TULP4: variants seen among roughly 807,000 people sequenced by gnomAD.
TULP4 encodes TUB like protein 4, also known as tubby-related protein 4.
Under a neutral mutation model 129.0 loss-of-function variants are expected in TULP4, and 16 were observed. The observed-to-expected ratio is 0.12, with a 90% CI of 0.08 to 0.19. TULP4 has a LOEUF of 0.19. Ranked by LOEUF, TULP4 falls within the 10% of genes least tolerant of loss-of-function variation. The pLI, the probability that TULP4 is intolerant of heterozygous loss-of-function variation, is 1.00. For synonymous variants in TULP4, 998 were observed against 854.0 expected (o/e 1.17, Z -2.94); for missense variants, 1,842 against 2,059.1 (o/e 0.89, Z 2.04).
intron 1 of TULP4, among the ~76,000 whole-genome samples, chr6:158,251,091 T>C (rs1431361400): frequency 1.3e-5 from 2 of 152,184 alleles, no homozygotes; most frequent in African/African-American, 4.8e-5. Context: ...ACAAATTAGA[T>C]CACAAAAGAG....
rs766591076 is a variant in TULP4, at chr6:158,501,861, C to T, written c.2198C>T (p.Thr733Ile). ...VLTNQTTAVGTAEHAGDSATQ... is the reference protein window; with the variant it reads ...VLTNQTTAVGIAEHAGDSATQ... ...ACCAACCAGACGACAGCTGTAGGGA[C>T]AGCAGAACATGCAGGTGACAGTGCC... The change falls in exon 13 of 14, where the codon ACA becomes ATA. Residue 733 changes from threonine to isoleucine, a missense_variant. Physicochemically the swap from Thr to Ile is moderately conservative, Grantham distance 89. This residue lies in a region of TULP4 where 1,089 missense variants were observed against 987.1 expected (regional missense o/e 1.10). Transcript: ENST00000367097. 5 of 1,614,174 alleles carry T rather than the reference C, an allele frequency of 3.1e-6. No individual in the cohort carries two copies. In the South Asian group the frequency reaches 4.4e-5, roughly 14 times the overall value.
intron 1 of TULP4, among the ~76,000 whole-genome samples, chr6:158,248,404 G>A (rs889452453): frequency 1.3e-5 from 2 of 151,874 alleles, no homozygotes; most frequent in Non-Finnish European, 2.9e-5. Context: ...CAAGTAGCTG[G>A]GACTATAGGC....
chr6:158,360,650 A>T (rs827999), intron 1 of TULP4, among the ~76,000 whole-genome samples: 140,818 of 152,232 alleles, frequency 0.93, 65,190 homozygotes, highest in Admixed American at 0.95. Flanking sequence ...TTGGCAGGTA[A>T]TTGTTGCTGA....
chr6:158,249,142 A>T (rs1247812776), intron 1 of TULP4, among the ~76,000 whole-genome samples: 1 of 151,804 alleles, frequency 6.6e-6, no homozygotes, highest in Non-Finnish European at 1.5e-5. Flanking sequence ...AGCCCATAAG[A>T]TGAATGCGGT....
chr6:158,487,746 G>A (rs1780105484), intron 8 of TULP4, among the ~76,000 whole-genome samples: 2 of 152,268 alleles, frequency 1.3e-5, no homozygotes, highest in South Asian at 4.1e-4. Context: ...GGCAGGCAGT[G>A]CCTGCACGTG....
intron 6 of TULP4, among the ~76,000 whole-genome samples, chr6:158,469,527 G>A (rs535863010): frequency 3.9e-5 from 6 of 151,934 alleles, no homozygotes; most frequent in South Asian, 2.1e-4. Flanking sequence ...TGTCTGCCTC[G>A]GCCTTCCAAA....
intron 1 of TULP4, among the ~76,000 whole-genome samples, chr6:158,359,297 A>G (rs1780713745): frequency 6.6e-6 from 1 of 152,224 alleles, no homozygotes; most frequent in African/African-American, 2.4e-5. Context: ...TCCTGGTTAT[A>G]TTCTCAAAGG....
intron 3 of TULP4, among the ~76,000 whole-genome samples, 160 bp downstream of exon 3, chr6:158,430,057 A>C (rs1778593726): frequency 6.6e-6 from 1 of 152,230 alleles, no homozygotes; most frequent in Non-Finnish European, 1.5e-5. Flanking sequence ...TAAAAATTCT[A>C]AATGAACCAT....
At chr6:158,440,130 A>G (rs1047201241) in intron 3 of TULP4, among the ~76,000 whole-genome samples, 25 of 151,928 alleles carry the variant, frequency 1.6e-4, no homozygotes, top group African/African-American at 6.0e-4. Context: ...GTTCAAGACC[A>G]GCAACATGAC....
rs576478134 is a variant in TULP4, at chr6:158,329,443, T to C, written c.252+15175T>C. On this transcript the variant is annotated intron_variant, in intron 1 of 13. Transcript: ENST00000367097. ...AAATTTTTAGAGTTTAAGGAAGAGT[T>C]CATTAATCAGAACCTTAACATTAAA... 6.8e-4 allele frequency among the ~76,000 whole-genome samples: 99 copies of C among 145,674 alleles called. 1 individual carries two copies. Among genetic ancestry groups the C allele is most frequent in the African/African-American group, 2.2e-3 (85 of 39,348 alleles).
At chr6:158,282,234 A>AC (rs1168933777), upstream of TULP4, 2 of 152,016 alleles carry the variant, frequency 1.3e-5, no homozygotes, top group East Asian at 3.9e-4. Context: ...TTTCTCGCTA[A>AC]CCCTAGTTAA....
At chr6:158,467,895 G>T (rs1052255429) in intron 6 of TULP4, among the ~76,000 whole-genome samples, 1 of 152,206 alleles carries the variant, frequency 6.6e-6, no homozygotes, top group Admixed American at 6.5e-5. Context: ...GAATCAGTGA[G>T]CCTTAACATT....
intron 1 of TULP4, among the ~76,000 whole-genome samples, chr6:158,276,769 C>G (rs754256723): frequency 1.3e-4 from 20 of 152,012 alleles, no homozygotes; most frequent in Non-Finnish European, 2.4e-4. Flanking sequence ...AGGTGTTATG[C>G]AAGCAGTATA....
intron 1 of TULP4, among the ~76,000 whole-genome samples, chr6:158,364,785 G>A (rs1780884198): frequency 1.3e-5 from 2 of 152,136 alleles, no homozygotes; most frequent in South Asian, 4.1e-4. Flanking sequence ...CACCCAGGCT[G>A]GAGTGCAGTG....
chr6:158,411,920 A>T (rs752283956), intron 1 of TULP4, among the ~76,000 whole-genome samples: 1 of 152,170 alleles, frequency 6.6e-6, no homozygotes, highest in Non-Finnish European at 1.5e-5. Context: ...GAATTTGGAA[A>T]CCATTAACAC....
Position 158,313,153 on chromosome 6 carries a change from G to C in TULP4, c.-864G>C, listed in dbSNP as rs112873380. 1.3e-3 allele frequency: 310 copies of C among 238,702 alleles called. 1 individual carries two copies. Among genetic ancestry groups the C allele is most frequent in the African/African-American group, 5.7e-3 (258 of 44,908 alleles). 14.8% of individuals were successfully genotyped at this position (238,702 alleles called of 1,614,324 possible). A position where few individuals can be genotyped will look rare whatever the true frequency, so the allele number is the denominator to read the frequency against. On this transcript the variant is annotated 5_prime_UTR_variant, in exon 1 of 14. Transcript: ENST00000367097. ...ACCCAGGGCAAACACTGGGACCACT[G>C]TAAGAGCGCTGGAACATTCTGCCTC...
chr6:158,337,386 C>T (rs1232417191), intron 1 of TULP4, among the ~76,000 whole-genome samples: 2 of 152,046 alleles, frequency 1.3e-5, no homozygotes, highest in African/African-American at 4.8e-5. Context: ...CTGCCTTGGC[C>T]TCTCAAAGTG....
chr6:158,452,347 G>C, intron 5 of TULP4, 79 bp downstream of exon 5: 1 of 1,540,400 alleles, frequency 6.5e-7, no homozygotes, highest in East Asian at 2.3e-5. Flanking sequence ...TGTACACTCT[G>C]TGCTTACTGA....
At chr6:158,285,724 G>C (rs1340504224) in intron 1 of TULP4, among the ~76,000 whole-genome samples, 1 of 152,174 alleles carries the variant, frequency 6.6e-6, no homozygotes, top group African/African-American at 2.4e-5. Flanking sequence ...CTGTCGCCCT[G>C]CCCTGCCCTG....
Sources: allele counts gnomAD v4.1 joint callset (sites outside exome capture counted in the v4.1 genomes callset), GRCh38; gene constraint gnomAD v4.1.1; regional missense constraint gnomAD v4.1.1; transcripts MANE v1.5; gene names NCBI Gene and HGNC (gene_info 2026-07-23, HGNC 2026-07-21).